Variants in STAT5B observed in about 807,000 individuals in gnomAD.
The protein encoded by STAT5B is transcription factor STAT5B.
A neutral mutation model predicts 107.8 loss-of-function variants in STAT5B; 21 were observed. The ratio of observed to expected loss-of-function variants is 0.19; its 90% confidence interval spans 0.14 to 0.28. The LOEUF (loss-of-function observed/expected upper bound fraction) is 0.28. Among genes scored for constraint, STAT5B ranks in the 10% least tolerant of loss-of-function variants. STAT5B has a pLI of 1.00. For missense variants in STAT5B, 565 were observed against 1,008.2 expected, an observed-to-expected ratio of 0.56 and a Z score of 5.95; for synonymous variants, 325 against 401.7, an observed-to-expected ratio of 0.81 and a Z score of 2.28.
At chr17:42,232,342 C>T (rs1185339185) in intron 1 of STAT5B, among the ~76,000 whole-genome samples, 3 of 152,034 alleles carry the variant, frequency 2.0e-5, no homozygotes, top group Non-Finnish European at 2.9e-5. Flanking sequence ...TCCGCCTCCC[C>T]GGTTCAAATG....
chr17:42,206,328 G>A (rs1236917057), intron 16 of STAT5B, among the ~76,000 whole-genome samples: 1 of 152,174 alleles, frequency 6.6e-6, no homozygotes, highest in Non-Finnish European at 1.5e-5. Context: ...GACCTCAGGT[G>A]ATATGCCTGC....
chr17:42,279,803 G>GA (rs756565375), upstream of STAT5B, among the ~76,000 whole-genome samples: 7,173 of 127,230 alleles, frequency 0.056, 520 homozygotes, highest in African/African-American at 0.18. Context: ...CTCCATCTCA[G>GA]AAAAAAAAAA....
chr17:42,206,147 T>TCTGCCTCCCTGGTTCAAGCAATTCTC (rs1175406439), intron 16 of STAT5B, among the ~76,000 whole-genome samples: 1 of 152,130 alleles, frequency 6.6e-6, no homozygotes, highest in Non-Finnish European at 1.5e-5. Context: ...CACTGCAACT[T>TCTGCCTCCCTGGTTCAAGCAATTCTC]CTGCCTCCCT....
At chr17:42,222,991 T>A (rs1598306987) in intron 5 of STAT5B, among the ~76,000 whole-genome samples, 1 of 152,020 alleles carries the variant, frequency 6.6e-6, no homozygotes, top group South Asian at 2.1e-4. Context: ...GCCAGAAAAA[T>A]TTTTAAACAT....
At chr17:42,206,797 A>G (rs897017480) in intron 16 of STAT5B, among the ~76,000 whole-genome samples, 1 of 146,630 alleles carries the variant, frequency 6.8e-6, no homozygotes, top group Non-Finnish European at 1.5e-5. Context: ...CTGGTCTTGA[A>G]CTCCCGACCT....
rs2080285302 is a variant in STAT5B, at chr17:42,227,691, G to A, written c.129-6C>T. On this transcript the variant is annotated splice_polypyrimidine_tract_variant and splice_region_variant and intron_variant, in intron 2 of 18. Transcript: ENST00000293328. ...TATCAAGATCTACTGAGTCCCTAGGGGAAAAAAATTACATAATCTGTATAC... is the reference window on the plus strand; with the variant it reads ...TATCAAGATCTACTGAGTCCCTAGGAGAAAAAAATTACATAATCTGTATAC... The A allele has an allele frequency of 1.2e-6, 2 of 1,613,776 alleles. No homozygotes were observed. Among genetic ancestry groups the A allele is most frequent in the Non-Finnish European group, 1.7e-6 (2 of 1,179,926 alleles).
At chr17:42,244,374 A>G (rs899098189) in intron 1 of STAT5B, among the ~76,000 whole-genome samples, 3 of 151,466 alleles carry the variant, frequency 2.0e-5, no homozygotes, top group Non-Finnish European at 4.4e-5. Flanking sequence ...GACAAGTGTG[A>G]GCCACCACAC....
chr17:42,280,374 A>G (rs927663707), upstream of STAT5B, among the ~76,000 whole-genome samples: 1 of 151,994 alleles, frequency 6.6e-6, no homozygotes, highest in Non-Finnish European at 1.5e-5. Context: ...CAGAGGGGGC[A>G]GCTTCCCTGC....
Position 42,217,484 on chromosome 17 carries a change from C to A in STAT5B, c.1170-20G>T. 1 of 1,613,946 alleles carries A rather than the reference C, an allele frequency of 6.2e-7. No homozygotes were observed. Among genetic ancestry groups the A allele is most frequent in the Non-Finnish European group, 8.5e-7 (1 of 1,179,868 alleles). On this transcript the variant is annotated intron_variant, in intron 9 of 18. Transcript: ENST00000293328. Reference sequence around the variant, plus strand: ...TAATCACTGCAAATCAGAGAGAGACCAGCTCCAAACCCATGCCAGGGTCTC... The same window carrying A: ...TAATCACTGCAAATCAGAGAGAGACAAGCTCCAAACCCATGCCAGGGTCTC...
chr17:42,219,666 G>C (rs751539742), intron 6 of STAT5B, 46 bp downstream of exon 6: 3 of 1,574,542 alleles, frequency 1.9e-6, no homozygotes. Context: ...CCCAGAGACT[G>C]ACTTCATGGC....
At chr17:42,204,000 C>T (rs898731071) in intron 16 of STAT5B, among the ~76,000 whole-genome samples, 4 of 152,010 alleles carry the variant, frequency 2.6e-5, no homozygotes, top group African/African-American at 9.7e-5. Context: ...ACTGGAGAGC[C>T]GCTGATCTGA....
intron 1 of STAT5B, among the ~76,000 whole-genome samples, chr17:42,239,777 G>A (rs1693497062): frequency 2.0e-5 from 3 of 152,308 alleles, no homozygotes; most frequent in South Asian, 4.1e-4. Context: ...ACATTATCCA[G>A]TAGTTCCACT....
At chr17:42,278,278 C>T (rs975642689), upstream of STAT5B, among the ~76,000 whole-genome samples, 2 of 152,158 alleles carry the variant, frequency 1.3e-5, no homozygotes, top group African/African-American at 2.4e-5. Context: ...CAAGGGCAGA[C>T]GCAATATGCT....
At chr17:42,285,039 C>A in the STAT5B span, among the ~76,000 whole-genome samples, 1 of 151,986 alleles carries the variant, frequency 6.6e-6, no homozygotes. Context: ...TATTATTATT[C>A]CTAATAAAAT....
chr17:42,206,460 G>A (rs899975745), intron 16 of STAT5B, among the ~76,000 whole-genome samples: 9 of 152,108 alleles, frequency 5.9e-5, no homozygotes, highest in South Asian at 2.1e-4. Flanking sequence ...TTCAAGCAAC[G>A]GGTGATGCAA....
At chr17:42,262,853 T>C (rs1453192143) in intron 1 of STAT5B, among the ~76,000 whole-genome samples, 2 of 90,748 alleles carry the variant, frequency 2.2e-5, no homozygotes, top group South Asian at 3.9e-4. Context: ...TATATGTATA[T>C]ACACACATAT....
At position 42,229,865 on chromosome 17, in the gene STAT5B, A is replaced by G. The variant is rs189294792; in HGVS notation, c.128+2135T>C. 2.1e-3 allele frequency among the ~76,000 whole-genome samples: 312 copies of G among 145,336 alleles called. 2 individuals carry two copies. Among genetic ancestry groups the G allele is most frequent in the African/African-American group, 7.6e-3 (302 of 39,956 alleles). On this transcript the variant is annotated intron_variant, in intron 2 of 18. Coordinates refer to ENST00000293328, the MANE Select transcript of STAT5B (RefSeq NM_012448.4). ...TGGTGACAGAGCGAGACTCCATCTC[A>G]AAAAAAAAAAAGAATTGAAAATTCT... is the stretch of plus-strand genomic sequence containing the variant.
chr17:42,242,730 G>A (rs1436224443), intron 1 of STAT5B, among the ~76,000 whole-genome samples: 1 of 152,000 alleles, frequency 6.6e-6, no homozygotes, highest in Non-Finnish European at 1.5e-5. Context: ...CACTTTGGGA[G>A]GCCAAGCCCA....
intron 1 of STAT5B, among the ~76,000 whole-genome samples, chr17:42,241,139 G>C (rs1033417739): frequency 7.9e-5 from 12 of 151,658 alleles, no homozygotes; most frequent in African/African-American, 2.9e-4. Context: ...GGGAGTTCAA[G>C]ACCAGCCTGA....
Sources: allele counts gnomAD v4.1 joint callset (sites outside exome capture counted in the v4.1 genomes callset), GRCh38; gene constraint gnomAD v4.1.1; transcripts MANE v1.5; gene names NCBI Gene and HGNC (gene_info 2026-07-23, HGNC 2026-07-21).